The following COL6A6 variants were observed in gnomAD, a reference collection of about 807,000 sequenced individuals.
The protein encoded by COL6A6 is collagen alpha-6(VI) chain.
In COL6A6, 183 loss-of-function variants were observed where a neutral mutation model predicts 208.6. The observed-to-expected ratio is 0.88, with a 90% CI of 0.78 to 0.99. The LOEUF (loss-of-function observed/expected upper bound fraction) is 0.99. COL6A6 is among the 50% of genes least tolerant of loss of function. COL6A6 has a pLI of 0.00. For missense variants in COL6A6, 2,816 were observed against 2,815.2 expected (o/e 1.00, Z -0.01); for synonymous variants, 973 against 1,011.8 (o/e 0.96, Z 0.73).
intron 20 of COL6A6, among the ~76,000 whole-genome samples, chr3:130,601,263 G>C (rs183704625): frequency 1.2e-4 from 16 of 134,848 alleles, no homozygotes; most frequent in African/African-American, 4.5e-4. Context: ...TTAGTATATT[G>C]CATTTATTAC....
In COL6A6 at chr3:130,568,623, A is replaced by T. The variant is rs747336658; in HGVS notation, c.2401+19A>T. 63 of 1,558,102 alleles carry T rather than the reference A, an allele frequency of 4.0e-5. 1 individual carries two copies. Among genetic ancestry groups the T allele is most frequent in the Non-Finnish European group, 5.1e-5 (59 of 1,155,830 alleles). On this transcript the variant is annotated intron_variant, in intron 6 of 36. Transcript: ENST00000358511. Reference sequence around the variant, plus strand: ...CGTGAAGGTAGGCATGGGCATACTCACTAGCAGGACTATCCGAACAACAGA... The same window carrying T: ...CGTGAAGGTAGGCATGGGCATACTCTCTAGCAGGACTATCCGAACAACAGA...
intron 36 of COL6A6, among the ~76,000 whole-genome samples, chr3:130,671,166 C>A (rs1377116052): frequency 2.0e-5 from 3 of 152,130 alleles, no homozygotes; most frequent in African/African-American, 4.8e-5. Flanking sequence ...GCTTTTTTCC[C>A]TGCTTTTAGA....
At chr3:130,667,067 CTT>C (rs1330427832) in intron 36 of COL6A6, among the ~76,000 whole-genome samples, 2 of 152,066 alleles carry the variant, frequency 1.3e-5, no homozygotes, top group Non-Finnish European at 2.9e-5. Flanking sequence ...GAAAAACTGT[CTT>C]AAGACAATTT....
chr3:130,666,086 C>A (rs1277143621), intron 36 of COL6A6, among the ~76,000 whole-genome samples: 1 of 152,026 alleles, frequency 6.6e-6, no homozygotes, highest in Admixed American at 6.5e-5. Context: ...TTTCAGAACA[C>A]CTTGCCTACA....
intron 18 of COL6A6, among the ~76,000 whole-genome samples, chr3:130,595,423 G>C (rs1323669790): frequency 6.6e-6 from 1 of 152,148 alleles, no homozygotes; most frequent in African/African-American, 2.4e-5. Flanking sequence ...ACCAGGTAAA[G>C]AAATAGAACA....
rs2063619925 is a variant in COL6A6, at chr3:130,589,330, T to C, written c.4218+148T>C. 1.1e-5 allele frequency: 6 copies of C among 563,572 alleles called. No individual in the cohort carries two copies. The South Asian group carries it at 1.1e-4, about 10-fold the overall frequency. 34.9% of individuals were successfully genotyped at this position (563,572 alleles called of 1,614,324 possible). A position where few individuals can be genotyped will look rare whatever the true frequency, so the allele number is the denominator to read the frequency against. On this transcript the variant is annotated intron_variant, in intron 12 of 36. Transcript: ENST00000358511. Reference sequence around the variant, plus strand: ...ATACTCCTCTTTTTATATGTTAAGTTAGTCATGGATTTTCCTTGGCATTCT... The same window carrying C: ...ATACTCCTCTTTTTATATGTTAAGTCAGTCATGGATTTTCCTTGGCATTCT...
intron 1 of COL6A6, among the ~76,000 whole-genome samples, chr3:130,532,357 C>T (rs1403711827): frequency 2.0e-5 from 3 of 152,196 alleles, no homozygotes; most frequent in Non-Finnish European, 4.4e-5. Context: ...TCTGCCAAGG[C>T]ATTAATGTGC....
chr3:130,526,300 G>A (rs1444765834), intron 1 of COL6A6, among the ~76,000 whole-genome samples: 1 of 151,990 alleles, frequency 6.6e-6, no homozygotes, highest in Non-Finnish European at 1.5e-5. Flanking sequence ...TTCCAAGCAG[G>A]AACAACTTTG....
chr3:130,556,664 G>A (rs191819410), intron 1 of COL6A6, among the ~76,000 whole-genome samples: 10 of 151,932 alleles, frequency 6.6e-5, no homozygotes, highest in East Asian at 1.9e-4. Flanking sequence ...TAGTATTGTA[G>A]TATCTATTTC....
At chr3:130,636,511 C>T (rs1486076720) in intron 28 of COL6A6, among the ~76,000 whole-genome samples, 1 of 152,126 alleles carries the variant, frequency 6.6e-6, no homozygotes, top group Non-Finnish European at 1.5e-5. Flanking sequence ...TTCAGAACAG[C>T]ACTGATCAGG....
chr3:130,586,413 C>A (rs2063542400), intron 10 of COL6A6, 93 bp from the exon 11 acceptor site: 1 of 1,104,174 alleles, frequency 9.1e-7, no homozygotes, highest in Non-Finnish European at 1.3e-6. Flanking sequence ...CTTCTTGCAG[C>A]TGTTCACTGA....
At chr3:130,628,211 G>A in intron 26 of COL6A6, among the ~76,000 whole-genome samples, 1 of 152,160 alleles carries the variant, frequency 6.6e-6, no homozygotes, top group Non-Finnish European at 1.5e-5. Flanking sequence ...CCAGTGAAAT[G>A]TTCATTAGAA....
In COL6A6 at chr3:130,566,844, T is replaced by G; in HGVS notation, c.1425T>G (p.Val475=). ...MFNIAPHKVR[V]GAVQYADSWD... Reference sequence around the variant, plus strand: ...ACATTGCTCCCCATAAGGTGCGGGTTGGGGCCGTTCAGTATGCTGACAGCT... The same window carrying G: ...ACATTGCTCCCCATAAGGTGCGGGTGGGGGCCGTTCAGTATGCTGACAGCT... Residue 475 remains valine (V), a synonymous_variant, in exon 5 of 37, where the codon GTT becomes GTG. Coordinates refer to ENST00000358511, the MANE Select transcript of COL6A6 (RefSeq NM_001102608.3). The G allele has an allele frequency of 1.2e-6, 2 of 1,614,004 alleles. No homozygotes were observed. Among genetic ancestry groups the G allele is most frequent in the Non-Finnish European group, 1.7e-6 (2 of 1,179,900 alleles).
intron 23 of COL6A6, among the ~76,000 whole-genome samples, chr3:130,617,268 C>T (rs1188536053): frequency 6.6e-6 from 1 of 152,012 alleles, no homozygotes; most frequent in Non-Finnish European, 1.5e-5. Flanking sequence ...TCACGTATAC[C>T]CAATCTCATA....
intron 26 of COL6A6, among the ~76,000 whole-genome samples, chr3:130,634,043 A>G (rs1356989480): frequency 1.6e-5 from 1 of 61,504 alleles, no homozygotes; most frequent in Non-Finnish European, 2.5e-5. Context: ...CCTAAAACTT[A>G]GAGTATAATA....
Position 130,603,119 on chromosome 3 carries a change from AACACT to A in COL6A6, c.4653+3312_4653+3316del, listed in dbSNP as rs1308803541. Among the ~76,000 whole-genome samples the A allele has an allele frequency of 3.3e-5, 5 of 152,340 alleles. No homozygotes were observed. The East Asian group carries it at 5.8e-4, about 18-fold the overall frequency. ...ATTTGAACACCTACAGTCCACCAGC[AACACT>A]ACTAAATACTAGAAATAAACTCAAC... On this transcript the variant is annotated intron_variant, in intron 20 of 36. Transcript: ENST00000358511.
intron 31 of COL6A6, among the ~76,000 whole-genome samples, chr3:130,644,635 C>T (rs2065416231): frequency 6.6e-6 from 1 of 152,158 alleles, no homozygotes; most frequent in South Asian, 2.1e-4. Flanking sequence ...TAGATATCTA[C>T]ATGGGAAAAA....
At chr3:130,669,729 T>A (rs2066164452) in intron 36 of COL6A6, among the ~76,000 whole-genome samples, 1 of 152,180 alleles carries the variant, frequency 6.6e-6, no homozygotes, top group East Asian at 1.9e-4. Flanking sequence ...TAAGATAGTA[T>A]CAACAAAGGC....
intron 10 of COL6A6, among the ~76,000 whole-genome samples, chr3:130,583,995 C>T (rs1030840385): frequency 4.6e-5 from 7 of 152,012 alleles, no homozygotes; most frequent in African/African-American, 1.5e-4. Flanking sequence ...TGATGGCGGA[C>T]GTGGCTGTAA....
Sources: gnomAD v4.1 joint callset for allele counts (sites outside exome capture counted in the v4.1 genomes callset) on GRCh38, gnomAD v4.1.1 for gene constraint, MANE v1.5 for transcripts, NCBI Gene and HGNC (gene_info 2026-07-23, HGNC 2026-07-21) for gene names.